The following SLC18A1 variants were observed in gnomAD, a reference collection of about 807,000 sequenced individuals.
SLC18A1 encodes the protein chromaffin granule amine transporter.
A neutral mutation model predicts 53.7 loss-of-function variants in SLC18A1; 69 were observed. That is an observed-to-expected ratio of 1.28 (90% CI 1.06 to 1.57). SLC18A1 has a LOEUF of 1.57. Ranked by LOEUF, SLC18A1 falls within the 40% of genes most tolerant of loss-of-function variation. The pLI, the probability that SLC18A1 is intolerant of heterozygous loss-of-function variation, is 0.00. For missense variants in SLC18A1, 932 were observed against 668.1 expected (o/e 1.40, Z -4.35); for synonymous variants, 320 against 248.1 (o/e 1.29, Z -2.72).
chr8:20,179,199 G>C lies in SLC18A1; in HGVS notation c.410C>G (p.Thr137Ser), dbSNP rs2128880463. 6.2e-7 allele frequency: 1 copy of C among 1,614,180 alleles called. No individual in the cohort carries two copies. The highest frequency in any genetic ancestry group is 8.5e-7 in the Non-Finnish European group (1 of 1,180,036). Residue 137 changes from threonine (T) to serine (S), a missense_variant, in exon 3 of 16, where the codon ACC becomes AGC. Physicochemically the swap from Thr to Ser is moderately conservative, Grantham distance 58. Transcript: ENST00000276373. ...TGAAGCAAACAGAACCCCGACCCGG[G>C]TAATCTCTTCCTCCAAGAAACCTGT... ...QGTGFLEEEI[T>S]RVGVLFASKA... is the part of the protein sequence containing the mutation.
intron 10 of SLC18A1, among the ~76,000 whole-genome samples, chr8:20,163,347 T>C (rs541669716): frequency 2.0e-5 from 3 of 152,140 alleles, no homozygotes; most frequent in African/African-American, 4.8e-5. Context: ...ATTTGCAACA[T>C]ATAAATTTTG....
At chr8:20,148,101 A>C in intron 12 of SLC18A1, 31 bp from the exon 13 acceptor site, 1 of 1,604,658 alleles carries the variant, frequency 6.2e-7, no homozygotes, top group East Asian at 2.2e-5. Context: ...AGTCATCAGG[A>C]CTCCAGATGG....
intron 10 of SLC18A1, among the ~76,000 whole-genome samples, chr8:20,163,707 TCA>T (rs755017170): frequency 6.6e-5 from 10 of 152,298 alleles, no homozygotes; most frequent in Non-Finnish European, 1.2e-4. Flanking sequence ...CTCCCAGCAA[TCA>T]GAGTTTTAAC....
intron 12 of SLC18A1, 114 bp downstream of exon 12, chr8:20,149,562 G>T (rs532182146): frequency 3.8e-6 from 3 of 799,600 alleles, no homozygotes; most frequent in Non-Finnish European, 6.1e-6. Context: ...GTCTTTAAAT[G>T]TCTGTGTCTT....
intron 10 of SLC18A1, among the ~76,000 whole-genome samples, chr8:20,161,059 C>G (rs867800203): frequency 5.3e-5 from 8 of 152,282 alleles, no homozygotes; most frequent in South Asian, 2.1e-4. Context: ...TTTTGGAGGA[C>G]ATAGCATTCT....
chr8:20,166,287 G>GTGTGTATATATATATATATATATATATA (rs1235212014), intron 8 of SLC18A1, among the ~76,000 whole-genome samples: 1 of 78,998 alleles, frequency 1.3e-5, no homozygotes, highest in Non-Finnish European at 2.4e-5. Flanking sequence ...GTGTGTGTGT[G>GTGTGTATATATATATATATATATATATA]TCTATATATA....
intron 15 of SLC18A1, among the ~76,000 whole-genome samples, chr8:20,146,140 C>T (rs922875021): frequency 5.9e-5 from 9 of 152,226 alleles, no homozygotes; most frequent in Admixed American, 2.0e-4. Context: ...TGGTCTCGAT[C>T]TCCTGACCTC....
chr8:20,147,830 G>T, intron 13 of SLC18A1, 108 bp from the exon 14 acceptor site: 1 of 1,508,852 alleles, frequency 6.6e-7, no homozygotes, highest in Non-Finnish European at 9.0e-7. Flanking sequence ...TTCTGCCTCG[G>T]ACTAACACCT....
At position 20,145,483 on chromosome 8, in the gene SLC18A1, G is replaced by C. The variant is rs115868323; in HGVS notation, c.*280C>G. The C allele has an allele frequency of 5.9e-5, 16 of 272,130 alleles. No homozygotes were observed. The highest frequency in any genetic ancestry group is 1.1e-4 in the South Asian group (1 of 9,444). The allele number at this position is 272,130 out of a possible 1,614,324, so 16.9% of individuals were successfully genotyped here. A position where few individuals can be genotyped will look rare whatever the true frequency, so the allele number is the denominator to read the frequency against. Reference sequence around the variant, plus strand: ...CAATGAGTCACCCCTTGCAGAACCCGTCACAGCTCAAGTTTAATCAACCTC... The same window carrying C: ...CAATGAGTCACCCCTTGCAGAACCCCTCACAGCTCAAGTTTAATCAACCTC... On this transcript the variant is annotated 3_prime_UTR_variant, in exon 16 of 16. Transcript: ENST00000276373.
intron 10 of SLC18A1, among the ~76,000 whole-genome samples, chr8:20,152,489 A>T (rs1036730645): frequency 2.6e-5 from 4 of 152,152 alleles, no homozygotes; most frequent in African/African-American, 9.7e-5. Context: ...TTTCTGTTTG[A>T]TTGGGTAAAG....
At chr8:20,148,293 G>GAGTT in intron 12 of SLC18A1, 1 of 597,546 alleles carries the variant, frequency 1.7e-6, no homozygotes, top group East Asian at 3.4e-5. Context: ...GCTCTATCCA[G>GAGTT]AGTTACAGAT....
At chr8:20,148,367 T>C in intron 12 of SLC18A1, 1 of 961,972 alleles carries the variant, frequency 1.0e-6, no homozygotes, top group Non-Finnish European at 1.4e-6. Flanking sequence ...AACGAGGGTC[T>C]TCCTCTGTTC....
At chr8:20,174,288 G>A (rs1288886112) in intron 5 of SLC18A1, 73 bp downstream of exon 5, 3 of 1,058,522 alleles carry the variant, frequency 2.8e-6, no homozygotes, top group Non-Finnish European at 4.4e-6. Flanking sequence ...GTAAATATAG[G>A]ATCTGAGGTA....
chr8:20,146,701 G>C (rs997581465), intron 15 of SLC18A1, among the ~76,000 whole-genome samples: 6 of 152,060 alleles, frequency 3.9e-5, no homozygotes, highest in African/African-American at 1.4e-4. Flanking sequence ...GTACATGCCT[G>C]TAATCCCAGC....
chr8:20,163,571 A>G (rs950768144), intron 10 of SLC18A1, among the ~76,000 whole-genome samples: 3 of 152,082 alleles, frequency 2.0e-5, no homozygotes, highest in Non-Finnish European at 4.4e-5. Flanking sequence ...TTGGCTCCCA[A>G]CACCTTTGAG....
chr8:20,152,059 G>T (rs1446238590), intron 10 of SLC18A1, among the ~76,000 whole-genome samples: 1 of 152,164 alleles, frequency 6.6e-6, no homozygotes, highest in Non-Finnish European at 1.5e-5. Context: ...TTCAGGGTTG[G>T]GGAAGGCTTC....
intron 10 of SLC18A1, among the ~76,000 whole-genome samples, chr8:20,152,410 C>A (rs1352875123): frequency 2.6e-5 from 4 of 152,060 alleles, no homozygotes; most frequent in African/African-American, 9.7e-5. Context: ...AGTGATGGTG[C>A]CTCAGATTAG....
intron 5 of SLC18A1, among the ~76,000 whole-genome samples, chr8:20,173,383 T>C (rs1034440849): frequency 2.6e-5 from 4 of 152,164 alleles, no homozygotes; most frequent in Non-Finnish European, 4.4e-5. Context: ...AGAAAATCCA[T>C]TGTCTGATTA....
At chr8:20,148,875 G>C (rs889857249) in intron 12 of SLC18A1, among the ~76,000 whole-genome samples, 2 of 152,126 alleles carry the variant, frequency 1.3e-5, no homozygotes, top group South Asian at 2.1e-4. Flanking sequence ...CAGACACTGT[G>C]GTTTATTTGG....
Sources: allele counts gnomAD v4.1 joint callset (sites outside exome capture counted in the v4.1 genomes callset), GRCh38; gene constraint gnomAD v4.1.1; transcripts MANE v1.5; gene names NCBI Gene and HGNC (gene_info 2026-07-23, HGNC 2026-07-21).